NINL: variants seen among roughly 807,000 people sequenced by gnomAD.
NINL encodes ninein like.
A neutral mutation model predicts 160.3 loss-of-function variants in NINL; 153 were observed. The observed-to-expected ratio is 0.95, with a 90% CI of 0.84 to 1.09. The LOEUF (loss-of-function observed/expected upper bound fraction) is 1.09. NINL is among the 50% of genes least tolerant of loss of function. NINL has a pLI of 0.00. For synonymous variants in NINL, 800 were observed against 734.8 expected (o/e 1.09, Z -1.43); for missense variants, 1,829 against 1,764.0 (o/e 1.04, Z -0.66).
At chr20:25,571,916 A>C (rs2065058594) in intron 1 of NINL, among the ~76,000 whole-genome samples, 1 of 151,234 alleles carries the variant, frequency 6.6e-6, no homozygotes, top group Non-Finnish European at 1.5e-5. Flanking sequence ...TCAGCAAAAA[A>C]TCAAAATCCT....
At chr20:25,467,943 C>T (rs1040690650) in intron 18 of NINL, among the ~76,000 whole-genome samples, 8 of 152,128 alleles carry the variant, frequency 5.3e-5, no homozygotes, top group East Asian at 1.9e-4. Flanking sequence ...TTTGAGATTT[C>T]GGAAGTGCTG....
At position 25,476,916 on chromosome 20, in the gene NINL, C is replaced by A. The variant is rs760120921; in HGVS notation, c.2375G>T (p.Ser792Ile). Reference sequence around the variant, plus strand: ...TACGCACATCTGGGCGCGCTTCTCGCTCGCACAGGGCTGCAGCTTCAGTGC... The same window carrying A: ...TACGCACATCTGGGCGCGCTTCTCGATCGCACAGGGCTGCAGCTTCAGTGC... The part of the protein sequence containing the change: ...ERALKLQPCA[S>I]EKRAQMCVSL... Residue 792 changes from serine (S) to isoleucine (I), a missense_variant, in exon 17 of 24, where the codon AGC (serine) becomes ATC (isoleucine). Ser to Ile is a moderately radical substitution (Grantham distance 142). Transcript: ENST00000278886. The A allele has an allele frequency of 1.1e-5, 17 of 1,612,596 alleles. No individual in the cohort carries two copies. Among genetic ancestry groups the A allele is most frequent in the Non-Finnish European group, 1.4e-5 (17 of 1,179,894 alleles).
intron 1 of NINL, among the ~76,000 whole-genome samples, chr20:25,578,222 G>A (rs189207440): frequency 2.3e-4 from 34 of 149,352 alleles, no homozygotes; most frequent in Admixed American, 2.1e-3. Context: ...ATTCTTCCAT[G>A]TCAGCCTCTG....
Position 25,504,813 on chromosome 20 carries a change from G to A in NINL, c.708+75C>T. The A allele has an allele frequency of 4.1e-6, 6 of 1,477,188 alleles. No homozygotes were observed. In the East Asian group the frequency reaches 1.1e-4, roughly 28 times the overall value. The allele number at this position is 1,477,188 out of a possible 1,614,324, so 91.5% of individuals were successfully genotyped here. A position where few individuals can be genotyped will look rare whatever the true frequency, so the allele number is the denominator to read the frequency against. ...CCTACATGAGTGGCTGAAGGGTAGA[G>A]GGGTTTCCAGACCCAACACTAAACC... On this transcript the variant is annotated intron_variant, in intron 6 of 23. Transcript: ENST00000278886.
intron 17 of NINL, among the ~76,000 whole-genome samples, chr20:25,472,614 C>T (rs2063134572): frequency 6.6e-6 from 1 of 151,142 alleles, no homozygotes; most frequent in African/African-American, 2.4e-5. Context: ...ACTGCAGCCT[C>T]AACCTCCCAG....
intron 1 of NINL, among the ~76,000 whole-genome samples, chr20:25,534,895 T>C (rs1019958896): frequency 1.3e-5 from 2 of 152,196 alleles, no homozygotes; most frequent in African/African-American, 2.4e-5. Context: ...GCTGTGTAAG[T>C]AGTTGTTATA....
Position 25,502,228 on chromosome 20 carries a change from C to T in NINL, c.862-1218G>A, listed in dbSNP as rs147227110. Among the ~76,000 whole-genome samples the T allele has an allele frequency of 6.3e-3, 952 of 151,876 alleles. 7 individuals carry two copies. Among genetic ancestry groups the T allele is most frequent in the Non-Finnish European group, 8.4e-3 (571 of 67,942 alleles). ...AACTCCTGACCTCAAATGATCCGCC[C>T]GCCTTGGCCTCCCAAAGTGCTGGTA... On this transcript the variant is annotated intron_variant, in intron 7 of 23. Coordinates refer to ENST00000278886, the MANE Select transcript of NINL (RefSeq NM_025176.6).
chr20:25,460,694 G>T (rs1460525609), intron 21 of NINL, among the ~76,000 whole-genome samples: 1 of 152,154 alleles, frequency 6.6e-6, no homozygotes, highest in Admixed American at 6.5e-5. Flanking sequence ...AAGCTCTGGG[G>T]TCCATGCCCA....
At chr20:25,557,050 AACTGCATTGC>A (rs2073644305) in intron 1 of NINL, among the ~76,000 whole-genome samples, 1 of 152,214 alleles carries the variant, frequency 6.6e-6, no homozygotes, top group African/African-American at 2.4e-5. Flanking sequence ...GGTGTGATGA[AACTGCATTGC>A]ACAACTCTGC....
chr20:25,556,117 A>T (rs2064863655), intron 1 of NINL, among the ~76,000 whole-genome samples: 1 of 152,134 alleles, frequency 6.6e-6, no homozygotes, highest in Admixed American at 6.5e-5. Flanking sequence ...CTTCATTTCT[A>T]CCAAAAAGCA....
At position 25,504,017 on chromosome 20, in the gene NINL, C is replaced by A; in HGVS notation, c.796G>T (p.Glu266Ter). ...GAAGACTCTAGAAGTAGCGCGGGCTCATGACTGAAGAGGCCAAGCTGGAAT... is the reference window on the plus strand; with the variant it reads ...GAAGACTCTAGAAGTAGCGCGGGCTAATGACTGAAGAGGCCAAGCTGGAAT... ...EEFQLGLFSH[E>*]PALLLESSTR... Residue 266 changes from glutamate (E) to a stop codon, truncating the protein, a stop_gained, in exon 7 of 24, where the codon GAG becomes TAG. Transcript: ENST00000278886. LOFTEE classifies it high-confidence loss of function. 6.2e-7 allele frequency: 1 copy of A among 1,613,734 alleles called. No individual in the cohort carries two copies. The highest frequency in any genetic ancestry group is 8.5e-7 in the Non-Finnish European group (1 of 1,179,876).
At chr20:25,577,064 T>C (rs1460164368) in intron 1 of NINL, among the ~76,000 whole-genome samples, 2 of 152,192 alleles carry the variant, frequency 1.3e-5, no homozygotes, top group African/African-American at 4.8e-5. Context: ...ATGTAGATTG[T>C]GGGGTTCCGA....
chr20:25,549,023 A>G (rs1163499570), intron 1 of NINL, among the ~76,000 whole-genome samples: 10 of 101,886 alleles, frequency 9.8e-5, no homozygotes, highest in South Asian at 3.7e-4. Context: ...CAGTACCCAC[A>G]GCCACACCTC....
intron 12 of NINL, 65 bp downstream of exon 12, chr20:25,489,810 C>G (rs1044126686): frequency 3.9e-5 from 54 of 1,400,620 alleles, no homozygotes; most frequent in Non-Finnish European, 5.4e-5. Context: ...TGGCCACCCC[C>G]GCCACCCCCA....
chr20:25,556,818 G>A (rs548368577), intron 1 of NINL, among the ~76,000 whole-genome samples: 131 of 152,030 alleles, frequency 8.6e-4, no homozygotes, highest in African/African-American at 3.0e-3. Context: ...CATATATAAG[G>A]GCCAATAATC....
intron 17 of NINL, among the ~76,000 whole-genome samples, chr20:25,473,820 G>A (rs1250482064): frequency 1.3e-5 from 2 of 151,898 alleles, no homozygotes; most frequent in Non-Finnish European, 2.9e-5. Flanking sequence ...GTGAGCTGAG[G>A]TTGTACCACT....
At chr20:25,561,049 CCTCTCT>C (rs112919760) in intron 1 of NINL, among the ~76,000 whole-genome samples, 62,897 of 88,092 alleles carry the variant, frequency 0.71, 20,156 homozygotes, top group East Asian at 0.96. Flanking sequence ...TCTCCCTCTC[CCTCTCT>C]CTCTCTTTCC....
At chr20:25,498,687 C>T (rs548055092) in intron 8 of NINL, among the ~76,000 whole-genome samples, 1 of 152,332 alleles carries the variant, frequency 6.6e-6, no homozygotes, top group East Asian at 1.9e-4. Context: ...GGGCACAAGG[C>T]CCTTTTCCCT....
intron 19 of NINL, among the ~76,000 whole-genome samples, chr20:25,463,371 T>A (rs1348063406): frequency 6.6e-6 from 1 of 152,174 alleles, no homozygotes; most frequent in African/African-American, 2.4e-5. Context: ...ATCTCTTAAG[T>A]CTCCTCTGAT....
Sources: allele counts gnomAD v4.1 joint callset (sites outside exome capture counted in the v4.1 genomes callset), GRCh38; gene constraint gnomAD v4.1.1; transcripts MANE v1.5; gene names NCBI Gene and HGNC (gene_info 2026-07-23, HGNC 2026-07-21).